The following GOLGA8H variants were observed in gnomAD, a reference collection of about 807,000 sequenced individuals.
GOLGA8H encodes golgin A8 family member H, also known as golgin subfamily A member 8H.
In GOLGA8H, 47 loss-of-function variants were observed where a neutral mutation model predicts 82.7. That is an observed-to-expected ratio of 0.57 (90% CI 0.45 to 0.73). GOLGA8H has a LOEUF of 0.73. GOLGA8H is among the 30% of genes least tolerant of loss of function. The probability of loss-of-function intolerance (pLI) is 0.00; values close to 1 mark genes in which losing one functional copy is unlikely to be tolerated. For synonymous variants in GOLGA8H, 108 were observed against 241.6 expected, an observed-to-expected ratio of 0.45 and a Z score of 5.13; for missense variants, 372 against 661.0, an observed-to-expected ratio of 0.56 and a Z score of 4.79.
At chr15:30,609,620 T>C (rs2936449) in intron 8 of GOLGA8H, among the ~76,000 whole-genome samples, 186 bp from the exon 9 acceptor site, 12 of 151,772 alleles carry the variant, frequency 7.9e-5, no homozygotes, top group Middle Eastern at 3.4e-3. Context: ...CAGCTATAAA[T>C]TCAATCTCAT....
chr15:30,604,156 G>A lies in GOLGA8H; in HGVS notation c.31G>A (p.Ala11Thr). 1 of 1,477,706 alleles carries A rather than the reference G, an allele frequency of 6.8e-7. No homozygotes were observed. Among genetic ancestry groups the A allele is most frequent in the South Asian group, 1.2e-5 (1 of 82,892 alleles). 91.5% of individuals were successfully genotyped at this position (1,477,706 alleles called of 1,614,324 possible). Reference sequence around the variant, plus strand: ...AGAAGAAACTCAACACAACAAATTGGCTGCAGCCAAGAAAAAGGTAAAAAC... The same window carrying A: ...AGAAGAAACTCAACACAACAAATTGACTGCAGCCAAGAAAAAGGTAAAAAC... MAEETQHNKL[A>T]AAKKKLKEYW... The change falls in exon 1 of 19, where the codon GCT becomes ACT. Residue 11 changes from alanine to threonine, a missense_variant. Coordinates refer to ENST00000566740, the MANE Select transcript of GOLGA8H (RefSeq NM_001282490.2).
At chr15:30,604,213 A>T in intron 1 of GOLGA8H, 40 bp downstream of exon 1, 1 of 1,208,758 alleles carries the variant, frequency 8.3e-7, no homozygotes, top group Middle Eastern at 2.9e-4. Context: ...ACCCAGCCAC[A>T]GATCCCCTCT....
chr15:30,605,997 G>A (rs778800524), intron 2 of GOLGA8H, 35 bp downstream of exon 2: 9 of 1,573,578 alleles, frequency 5.7e-6, no homozygotes, highest in Admixed American at 1.8e-5. Flanking sequence ...TGGGGACAGG[G>A]GGCCCAAGGG....
chr15:30,610,861 GC>G lies in GOLGA8H; in HGVS notation c.973del (p.Gln325ArgfsTer8). On this transcript the variant is annotated frameshift_variant, in exon 12 of 19. Coordinates refer to ENST00000566740, the MANE Select transcript of GOLGA8H (RefSeq NM_001282490.2). LOFTEE classifies it high-confidence loss of function. The stretch of plus-strand genomic sequence containing the variant: ...AGAGAGAGTGGCAGGAGAGCTCCAG[GC>G]CCAGGTCAAAAAGAATCAGCGCATA... ...ELERVAGELQ[A>X]QVKKNQRISL... 1 of 765,498 alleles carries G rather than the reference GC, an allele frequency of 1.3e-6. No homozygotes were observed. The highest frequency in any genetic ancestry group is 2.0e-6 in the Non-Finnish European group (1 of 501,560). 47.4% of individuals were successfully genotyped at this position (765,498 alleles called of 1,614,324 possible).
intron 13 of GOLGA8H, 108 bp from the exon 14 acceptor site, chr15:30,612,489 C>G (rs1046999461): frequency 7.7e-7 from 1 of 1,296,990 alleles, no homozygotes; most frequent in African/African-American, 1.5e-5. Context: ...GCTGAGATGG[C>G]CTGCCAAAAG....
intron 11 of GOLGA8H, 115 bp downstream of exon 11, chr15:30,610,504 A>G: frequency 1.7e-6 from 1 of 604,968 alleles, no homozygotes; most frequent in Non-Finnish European, 2.9e-6. Context: ...AGAGGGAAAG[A>G]GATCTGTGCC....
chr15:30,604,230 A>C, intron 1 of GOLGA8H, 57 bp downstream of exon 1: 1 of 1,256,008 alleles, frequency 8.0e-7, no homozygotes, highest in South Asian at 1.3e-5. Flanking sequence ...CTCTGATGAC[A>C]AGACCCCTGC....
At chr15:30,611,449 G>A (rs2060018350) in intron 13 of GOLGA8H, 103 bp downstream of exon 13, 3 of 1,528,644 alleles carry the variant, frequency 2.0e-6, no homozygotes, top group African/African-American at 2.8e-5. Context: ...TCCAGCCTGG[G>A]GGCTGGTGAC....
intron 2 of GOLGA8H, among the ~76,000 whole-genome samples, chr15:30,606,278 C>T (rs2059922774): frequency 6.6e-6 from 1 of 151,262 alleles, no homozygotes; most frequent in Admixed American, 6.6e-5. Flanking sequence ...TGGTGTGAAC[C>T]TGGGAGGTGG....
chr15:30,611,128 C>G, intron 12 of GOLGA8H, 106 bp downstream of exon 12: 2 of 657,490 alleles, frequency 3.0e-6, no homozygotes, highest in Non-Finnish European at 5.1e-6. Flanking sequence ...AATGTTACTT[C>G]TAAAGGCACC....
intron 13 of GOLGA8H, among the ~76,000 whole-genome samples, chr15:30,611,671 C>CTG (rs2060022327): frequency 7.5e-6 from 1 of 134,118 alleles, no homozygotes; most frequent in Non-Finnish European, 1.6e-5. Context: ...CTTTGGGAGG[C>CTG]TGAGGCAGGA....
At position 30,616,828 on chromosome 15, in the gene GOLGA8H, C is replaced by T. The variant is rs1163674767; in HGVS notation, c.*2267C>T. On this transcript the variant is annotated 3_prime_UTR_variant, in exon 19 of 19. Coordinates refer to ENST00000566740, the MANE Select transcript of GOLGA8H (RefSeq NM_001282490.2). ...TATCGTTGAAATCACTTCACTTTTA[C>T]CCTGATAAATATCAGTGACTAGAAT... The T allele has an allele frequency of 2.0e-5, 3 of 150,838 alleles. No individual in the cohort carries two copies. Among genetic ancestry groups the T allele is most frequent in the African/African-American group, 7.4e-5 (3 of 40,720 alleles). 9.3% of individuals were successfully genotyped at this position (150,838 alleles called of 1,614,324 possible).
chr15:30,609,768 G>C (rs1293011682), intron 8 of GOLGA8H, 38 bp from the exon 9 acceptor site: 4 of 1,547,850 alleles, frequency 2.6e-6, no homozygotes, highest in African/African-American at 1.4e-5. Context: ...AAATGCCCAG[G>C]CTCTCCAGAT....
chr15:30,609,691 C>G (rs1275359193), intron 8 of GOLGA8H, 115 bp from the exon 9 acceptor site: 3 of 1,398,358 alleles, frequency 2.1e-6, no homozygotes, highest in Non-Finnish European at 3.0e-6. Context: ...CTTGGAAATG[C>G]CTTGATCTTT....
At chr15:30,606,505 AT>A (rs2059926216) in intron 2 of GOLGA8H, among the ~76,000 whole-genome samples, 1 of 151,322 alleles carries the variant, frequency 6.6e-6, no homozygotes, top group African/African-American at 2.4e-5. Flanking sequence ...CATTTGTGAA[AT>A]TTTCATGAGA....
At chr15:30,609,709 G>A in intron 8 of GOLGA8H, 97 bp from the exon 9 acceptor site, 32 of 1,514,890 alleles carry the variant, frequency 2.1e-5, no homozygotes, top group Non-Finnish European at 2.8e-5. Flanking sequence ...TTTACTGACT[G>A]AGTTGTATAT....
chr15:30,611,581 C>A (rs1400530268), intron 13 of GOLGA8H, among the ~76,000 whole-genome samples: 1 of 150,064 alleles, frequency 6.7e-6, no homozygotes, highest in African/African-American at 2.5e-5. Context: ...AGGCATGGAG[C>A]CCCCAATCAC....
At position 30,609,994 on chromosome 15, in the gene GOLGA8H, T is replaced by G. The variant is rs1204004957; in HGVS notation, c.679-5T>G. The G allele has an allele frequency of 6.2e-7, 1 of 1,611,264 alleles. No individual in the cohort carries two copies. ...CCTTCCTAAGTTCTGTGCCCATTCT[T>G]GCAGTTGAAGGAGTCATTTCAACAA... On this transcript the variant is annotated splice_polypyrimidine_tract_variant and splice_region_variant and intron_variant, in intron 9 of 18. Transcript: ENST00000566740.
intron 15 of GOLGA8H, 136 bp downstream of exon 15, chr15:30,613,331 A>C (rs2060053977): frequency 1.3e-6 from 1 of 751,180 alleles, no homozygotes; most frequent in Non-Finnish European, 2.0e-6. Flanking sequence ...GTCAGACTCC[A>C]TTTCACCTGT....
Sources: allele counts gnomAD v4.1 joint callset (sites outside exome capture counted in the v4.1 genomes callset), GRCh38; gene constraint gnomAD v4.1.1; transcripts MANE v1.5; gene names NCBI Gene and HGNC (gene_info 2026-07-23, HGNC 2026-07-21).